Variants in NFASC observed in about 807,000 individuals in gnomAD.
NFASC encodes neurofascin.
A neutral mutation model predicts 147.5 loss-of-function variants in NFASC; 43 were observed. The ratio of observed to expected loss-of-function variants is 0.29; its 90% CI spans 0.23 to 0.38. The LOEUF (loss-of-function observed/expected upper bound fraction) is 0.38. Ranked by LOEUF, NFASC falls within the 10% of genes least tolerant of loss-of-function variation. The pLI is 1.00. For synonymous variants in NFASC, 622 were observed against 665.5 expected (o/e 0.93, Z 1.01); for missense variants, 1,320 against 1,689.0 (o/e 0.78, Z 3.83).
intron 8 of NFASC, 96 bp downstream of exon 8, chr1:204,957,922 G>A: frequency 8.7e-7 from 1 of 1,152,038 alleles, no homozygotes; most frequent in Non-Finnish European, 1.3e-6. Context: ...GGGGAGACTT[G>A]TCCTTGAGGC....
At chr1:204,861,462 T>C (rs2076665802) in intron 1 of NFASC, among the ~76,000 whole-genome samples, 1 of 152,086 alleles carries the variant, frequency 6.6e-6, no homozygotes, top group Admixed American at 6.5e-5. Flanking sequence ...AATTCAACAT[T>C]TGGCTTATTG....
chr1:204,994,790 G>A (rs2095812057), intron 24 of NFASC, among the ~76,000 whole-genome samples: 1 of 152,250 alleles, frequency 6.6e-6, no homozygotes, highest in African/African-American at 2.4e-5. Context: ...TCATGAGAAG[G>A]GCTACCTTGT....
chr1:204,938,084 G>A (rs898838633), intron 2 of NFASC, among the ~76,000 whole-genome samples: 3 of 152,212 alleles, frequency 2.0e-5, no homozygotes, highest in African/African-American at 4.8e-5. Context: ...AGCCTGCCCA[G>A]AACGTGGCTG....
At chr1:204,991,915 T>A (rs1009273517) in intron 24 of NFASC, among the ~76,000 whole-genome samples, 2 of 152,208 alleles carry the variant, frequency 1.3e-5, no homozygotes, top group Non-Finnish European at 2.9e-5. Flanking sequence ...CGTGGGCTGA[T>A]TATCTCCTCA....
chr1:204,876,802 A>G (rs1048626494), intron 1 of NFASC, among the ~76,000 whole-genome samples: 6 of 151,754 alleles, frequency 4.0e-5, no homozygotes, highest in African/African-American at 1.5e-4. Context: ...CAGGCTGAAT[A>G]ATATTCTATT....
Position 204,968,792 on chromosome 1 carries a change from T to A in NFASC, c.819-6T>A. ...TAACTTGTTTCCTGCTTGGCGCCTC[T>A]CCTAGCCCAACACCAGACATCGCAT... On this transcript the variant is annotated splice_region_variant and splice_polypyrimidine_tract_variant and intron_variant, in intron 9 of 29. Coordinates refer to ENST00000339876, the MANE Select transcript of NFASC (RefSeq NM_001005388.3). The surrounding 1 kb of genome is among the most constrained non-coding windows in gnomAD (Gnocchi z 5.4). The A allele has an allele frequency of 6.2e-7, 1 of 1,611,302 alleles. No individual in the cohort carries two copies. Among genetic ancestry groups the A allele is most frequent in the Non-Finnish European group, 8.5e-7 (1 of 1,178,858 alleles).
At chr1:205,007,786 A>G (rs748742584) in intron 27 of NFASC, among the ~76,000 whole-genome samples, 4 of 152,132 alleles carry the variant, frequency 2.6e-5, no homozygotes, top group African/African-American at 4.8e-5. Flanking sequence ...AGGACTAGAG[A>G]GATGGCCAGG....
rs537794296 is a variant in NFASC, at chr1:204,955,686, C to T, written c.535+735C>T. ...ATTAATAGAGGTAAATCGAAAACTG[C>T]TATCTCTCTGTGTGTCCTTCTGGCT... On this transcript the variant is annotated intron_variant, in intron 7 of 29. Transcript: ENST00000339876. Among the ~76,000 whole-genome samples, 6 of 152,206 alleles carry T rather than the reference C, an allele frequency of 3.9e-5. No individual in the cohort carries two copies. In the South Asian group the frequency reaches 1.2e-3, roughly 32 times the overall value.
intron 3 of NFASC, among the ~76,000 whole-genome samples, chr1:204,946,135 G>A (rs114951613): frequency 1.6e-4 from 24 of 152,316 alleles, no homozygotes; most frequent in African/African-American, 5.5e-4. Context: ...CCATTCCAGT[G>A]TCCCTGGGAC....
At chr1:204,884,298 C>G (rs752391910) in intron 1 of NFASC, among the ~76,000 whole-genome samples, 1 of 152,112 alleles carries the variant, frequency 6.6e-6, no homozygotes, top group Non-Finnish European at 1.5e-5. Context: ...CTATGCCACT[C>G]AAGGTGCTAC....
At position 205,001,176 on chromosome 1, in the gene NFASC, A is replaced by T; in HGVS notation, c.3026A>T (p.Asp1009Val). The T allele has an allele frequency of 6.2e-7, 1 of 1,605,902 alleles. No individual in the cohort carries two copies. The highest frequency in any genetic ancestry group is 1.1e-5 in the South Asian group (1 of 89,816). Residue 1009 changes from aspartate to valine, a missense_variant, in exon 26 of 30, where the codon GAT (aspartate) becomes GTT (valine). Asp to Val is a radical substitution (Grantham distance 152). Transcript: ENST00000339876. ...TTTCTAACCCGTCCACCAGCCCCTGATGAGCAGTCCATATGGAACGTCACG... is the reference window on the plus strand; with the variant it reads ...TTTCTAACCCGTCCACCAGCCCCTGTTGAGCAGTCCATATGGAACGTCACG... The part of the protein sequence containing the change: ...SGTKIHESAP[D>V]EQSIWNVTVL...
chr1:204,867,693 C>T (rs1375483174), intron 1 of NFASC, among the ~76,000 whole-genome samples: 2 of 152,192 alleles, frequency 1.3e-5, no homozygotes, highest in Non-Finnish European at 2.9e-5. Flanking sequence ...CATGCTCACA[C>T]TCACTGAAGC....
At chr1:204,973,100 G>A (rs1005992380) in intron 11 of NFASC, among the ~76,000 whole-genome samples, 176 bp from the exon 12 acceptor site, 2 of 152,178 alleles carry the variant, frequency 1.3e-5, no homozygotes, top group Non-Finnish European at 1.5e-5. Flanking sequence ...TTCAGAGAAG[G>A]GCTCAAGGTC....
intron 27 of NFASC, among the ~76,000 whole-genome samples, chr1:205,006,641 G>A (rs1259180665): frequency 1.3e-5 from 2 of 152,196 alleles, no homozygotes; most frequent in African/African-American, 2.4e-5. Context: ...AGGTGGTAAC[G>A]GGATGTCTCA....
In NFASC at chr1:204,957,645, C is replaced by T. The variant is rs1457983663; in HGVS notation, c.536-11C>T. ...CTACTAACCTGCTGCCGTACCTCTG[C>T]TTTCTTATAGCCATGGAGCCCATCA... On this transcript the variant is annotated splice_polypyrimidine_tract_variant and intron_variant, in intron 7 of 29. Transcript: ENST00000339876. 2 of 1,613,400 alleles carry T rather than the reference C, an allele frequency of 1.2e-6. No homozygotes were observed. Among genetic ancestry groups the T allele is most frequent in the Non-Finnish European group, 1.7e-6 (2 of 1,179,372 alleles).
intron 24 of NFASC, among the ~76,000 whole-genome samples, chr1:204,994,732 T>A (rs1248591813): frequency 1.3e-5 from 2 of 151,742 alleles, no homozygotes; most frequent in African/African-American, 4.8e-5. Context: ...CTCGGCTCAC[T>A]GCAACCTCCT....
At chr1:204,852,590 T>C (rs1572048847) in intron 1 of NFASC, among the ~76,000 whole-genome samples, 1 of 152,248 alleles carries the variant, frequency 6.6e-6, no homozygotes, top group Non-Finnish European at 1.5e-5. Flanking sequence ...CAGAGGCTGG[T>C]TGACCCATGC....
chr1:204,901,256 G>A (rs2084510916), intron 1 of NFASC, among the ~76,000 whole-genome samples: 1 of 152,154 alleles, frequency 6.6e-6, no homozygotes. Context: ...GGAGTTTCCA[G>A]TATAGAGATT....
chr1:205,013,497 A>G (rs537488105), intron 29 of NFASC, among the ~76,000 whole-genome samples: 25 of 152,322 alleles, frequency 1.6e-4, no homozygotes, highest in African/African-American at 5.8e-4. Context: ...GACTCTTCCA[A>G]GGTCCCCACC....
Sources: gnomAD v4.1 joint callset for allele counts (sites outside exome capture counted in the v4.1 genomes callset) on GRCh38, gnomAD v4.1.1 for gene constraint, Gnocchi (gnomAD v3.1) non-coding constraint, MANE v1.5 for transcripts, NCBI Gene and HGNC (gene_info 2026-07-23, HGNC 2026-07-21) for gene names.